ST6GALNAC3: variants seen among roughly 807,000 people sequenced by gnomAD.
ST6GALNAC3 encodes alpha-N-acetylgalactosaminide alpha-2,6-sialyltransferase 3.
A neutral mutation model predicts 32.7 loss-of-function variants in ST6GALNAC3; 25 were observed. The observed-to-expected ratio is 0.76, with a 90% CI of 0.56 to 1.07. The LOEUF (loss-of-function observed/expected upper bound fraction) is 1.07, where lower values mean the gene tolerates loss of function less well. Among genes scored for constraint, ST6GALNAC3 ranks in the 50% least tolerant of loss-of-function variants. The probability of loss-of-function intolerance (pLI) is 0.00; values close to 1 mark genes in which losing one functional copy is unlikely to be tolerated. For missense variants in ST6GALNAC3, 355 were observed against 382.4 expected (o/e 0.93, Z 0.60); for synonymous variants, 129 against 133.1 (o/e 0.97, Z 0.21).
intron 3 of ST6GALNAC3, among the ~76,000 whole-genome samples, chr1:76,500,126 A>C (rs959840149): frequency 3.3e-5 from 5 of 152,182 alleles, no homozygotes; most frequent in African/African-American, 1.2e-4. Flanking sequence ...TTAATTTATT[A>C]ATCTAGTTAC....
At chr1:76,499,260 C>G (rs895454219) in intron 3 of ST6GALNAC3, among the ~76,000 whole-genome samples, 16 of 152,152 alleles carry the variant, frequency 1.1e-4, no homozygotes, top group African/African-American at 3.9e-4. Context: ...TTTGAGACAG[C>G]TTTTCCGGAA....
chr1:76,100,715 T>C (rs1647203916), intron 1 of ST6GALNAC3, among the ~76,000 whole-genome samples: 1 of 152,130 alleles, frequency 6.6e-6, no homozygotes, highest in Non-Finnish European at 1.5e-5. Flanking sequence ...TGTATTCTCT[T>C]ATTGTTTGGA....
At chr1:76,095,422 G>A (rs1047452139) in intron 1 of ST6GALNAC3, among the ~76,000 whole-genome samples, 1 of 152,128 alleles carries the variant, frequency 6.6e-6, no homozygotes, top group Non-Finnish European at 1.5e-5. Flanking sequence ...GCAGACTGTG[G>A]TTGATTAGTT....
chr1:76,240,429 T>G (rs1174625243), intron 1 of ST6GALNAC3, among the ~76,000 whole-genome samples: 1 of 152,242 alleles, frequency 6.6e-6, no homozygotes. Context: ...ATCCATTCTC[T>G]TGTTCCCCTT....
At chr1:76,108,792 A>G (rs1176462666) in intron 1 of ST6GALNAC3, among the ~76,000 whole-genome samples, 11 of 150,984 alleles carry the variant, frequency 7.3e-5, no homozygotes. Flanking sequence ...TGGGTTAAGT[A>G]TTTGCAAAAG....
chr1:76,253,433 C>A (rs1225975784), intron 1 of ST6GALNAC3, among the ~76,000 whole-genome samples: 1 of 152,084 alleles, frequency 6.6e-6, no homozygotes, highest in Non-Finnish European at 1.5e-5. Flanking sequence ...ACCGTTAAAG[C>A]TTCACGTGAA....
intron 1 of ST6GALNAC3, among the ~76,000 whole-genome samples, chr1:76,157,424 C>A (rs1183445834): frequency 6.6e-6 from 1 of 152,176 alleles, no homozygotes; most frequent in Non-Finnish European, 1.5e-5. Flanking sequence ...GTAGCAGTAT[C>A]AAAATTGTTA....
chr1:76,460,316 G>A, intron 3 of ST6GALNAC3, among the ~76,000 whole-genome samples: 1 of 151,912 alleles, frequency 6.6e-6, no homozygotes, highest in East Asian at 1.9e-4. Context: ...TTTTTAAATT[G>A]GGTCGTTTGT....
chr1:76,198,502 T>C (rs750817545), intron 1 of ST6GALNAC3, among the ~76,000 whole-genome samples: 10 of 152,204 alleles, frequency 6.6e-5, no homozygotes, highest in Non-Finnish European at 1.0e-4. Flanking sequence ...TGTTGCAGCT[T>C]GGATGTATCT....
At chr1:76,107,314 T>TA (rs1647603899) in intron 1 of ST6GALNAC3, among the ~76,000 whole-genome samples, 1 of 147,590 alleles carries the variant, frequency 6.8e-6, no homozygotes, top group African/African-American at 2.5e-5. Context: ...TTTTTTTTTT[T>TA]ATAATAATCA....
intron 1 of ST6GALNAC3, among the ~76,000 whole-genome samples, chr1:76,174,537 A>G (rs890049926): frequency 6.6e-6 from 1 of 151,916 alleles, no homozygotes; most frequent in Non-Finnish European, 1.5e-5. Flanking sequence ...ATAAAATTAT[A>G]TCTACCTACC....
At chr1:76,565,199 G>A (rs1341355538) in intron 3 of ST6GALNAC3, among the ~76,000 whole-genome samples, 3 of 152,094 alleles carry the variant, frequency 2.0e-5, no homozygotes, top group African/African-American at 7.2e-5. Context: ...AACAACTGAG[G>A]ACACACCCCT....
At chr1:76,460,601 TC>T (rs1239658508) in intron 3 of ST6GALNAC3, among the ~76,000 whole-genome samples, 1 of 152,206 alleles carries the variant, frequency 6.6e-6, no homozygotes, top group Non-Finnish European at 1.5e-5. Context: ...TAAAGTTTCA[TC>T]ACTGTGTGTT....
chr1:76,135,337 G>A (rs944020297), intron 1 of ST6GALNAC3, among the ~76,000 whole-genome samples: 5 of 152,154 alleles, frequency 3.3e-5, no homozygotes, highest in Admixed American at 6.5e-5. Context: ...AACTTAGTAT[G>A]TAAGTATGTT....
intron 3 of ST6GALNAC3, among the ~76,000 whole-genome samples, chr1:76,512,922 A>T (rs916679287): frequency 6.6e-6 from 1 of 152,086 alleles, no homozygotes; most frequent in East Asian, 1.9e-4. Context: ...GCATTTTTTC[A>T]TGTGCCTATT....
At chr1:76,451,213 C>A (rs1212591989) in intron 3 of ST6GALNAC3, among the ~76,000 whole-genome samples, 2 of 152,254 alleles carry the variant, frequency 1.3e-5, no homozygotes, top group Non-Finnish European at 2.9e-5. Flanking sequence ...GAAAGACATA[C>A]CTGAGACTGG....
At chr1:76,214,916 A>C (rs1276229916) in intron 1 of ST6GALNAC3, among the ~76,000 whole-genome samples, 1 of 152,118 alleles carries the variant, frequency 6.6e-6, no homozygotes, top group Non-Finnish European at 1.5e-5. Flanking sequence ...CTTTCACTTA[A>C]CCTGTGTAAT....
At chr1:76,595,059 C>T (rs1178941463) in intron 3 of ST6GALNAC3, among the ~76,000 whole-genome samples, 1 of 152,120 alleles carries the variant, frequency 6.6e-6, no homozygotes, top group East Asian at 1.9e-4. Flanking sequence ...GTATGTCCTG[C>T]AGACCCTGGC....
chr1:76,625,085 G>A (rs538683961), intron 3 of ST6GALNAC3, among the ~76,000 whole-genome samples: 3 of 152,076 alleles, frequency 2.0e-5, no homozygotes, highest in Non-Finnish European at 2.9e-5. Context: ...CCTCATGTTC[G>A]AGTAGCAGCA....
Sources: allele counts gnomAD v4.1 joint callset (sites outside exome capture counted in the v4.1 genomes callset), GRCh38; gene constraint gnomAD v4.1.1; transcripts MANE v1.5; gene names NCBI Gene and HGNC (gene_info 2026-07-23, HGNC 2026-07-21).